The following DGCR2 variants were observed in gnomAD, a reference collection of about 807,000 sequenced individuals.
DGCR2 encodes the protein integral membrane protein DGCR2/IDD.
In DGCR2, 24 loss-of-function variants were observed where a neutral mutation model predicts 51.6. The observed-to-expected ratio is 0.47, with a 90% confidence interval of 0.34 to 0.65. DGCR2 has a LOEUF of 0.65. DGCR2 is among the 30% of genes least tolerant of loss of function. The pLI is 0.01. For missense variants in DGCR2, 765 were observed against 772.1 expected (o/e 0.99, Z 0.11); for synonymous variants, 340 against 315.4 (o/e 1.08, Z -0.82).
At chr22:19,118,184 C>A (rs572610798) in intron 1 of DGCR2, among the ~76,000 whole-genome samples, 1 of 152,184 alleles carries the variant, frequency 6.6e-6, no homozygotes, top group Non-Finnish European at 1.5e-5. Flanking sequence ...GCCTACATGG[C>A]CAACATGGTG....
chr22:19,080,279 T>C (rs2082921621), intron 2 of DGCR2, among the ~76,000 whole-genome samples: 1 of 152,238 alleles, frequency 6.6e-6, no homozygotes. Flanking sequence ...CTTTAAGTGC[T>C]GTCTAATAGA....
At chr22:19,101,608 G>A (rs2146034687) in intron 1 of DGCR2, among the ~76,000 whole-genome samples, 1 of 152,210 alleles carries the variant, frequency 6.6e-6, no homozygotes, top group South Asian at 2.1e-4. Context: ...GGGCGTGGTG[G>A]CGCACACCTG....
chr22:19,064,189 G>A (rs2082721577), intron 4 of DGCR2, among the ~76,000 whole-genome samples: 2 of 152,232 alleles, frequency 1.3e-5, no homozygotes, highest in Non-Finnish European at 2.9e-5. Flanking sequence ...GGCACACTCT[G>A]CCCTATGCTG....
Position 19,122,373 on chromosome 22 carries a change from G to C in DGCR2, c.-167C>G, listed in dbSNP as rs936657060. ...GGGCCGCGGGCTGGCGCACACTCTCGGCTGCAACCTCAGGCACCGACTCCA... is the reference window on the plus strand; with the variant it reads ...GGGCCGCGGGCTGGCGCACACTCTCCGCTGCAACCTCAGGCACCGACTCCA... On this transcript the variant is annotated 5_prime_UTR_variant, in exon 1 of 10. Coordinates refer to ENST00000263196, the MANE Select transcript of DGCR2 (RefSeq NM_005137.3). 7 of 495,728 alleles carry C rather than the reference G, an allele frequency of 1.4e-5. No individual in the cohort carries two copies. The highest frequency in any genetic ancestry group is 1.2e-4 in the African/African-American group (6 of 48,748). The allele number at this position is 495,728 out of a possible 1,614,324, so 30.7% of individuals were successfully genotyped here.
chr22:19,102,020 A>G (rs141958544), intron 1 of DGCR2, among the ~76,000 whole-genome samples: 1 of 152,228 alleles, frequency 6.6e-6, no homozygotes, highest in East Asian at 1.9e-4. Context: ...GCATCACTAT[A>G]CTCCAGCCTG....
intron 5 of DGCR2, among the ~76,000 whole-genome samples, chr22:19,060,254 G>A (rs549592577): frequency 1.9e-4 from 29 of 152,334 alleles, no homozygotes; most frequent in African/African-American, 6.7e-4. Flanking sequence ...GGCTGGCCCA[G>A]GACCACAGCC....
rs1484467435 is a variant in DGCR2 at position 19,041,348 on chromosome 22, T to C, written c.1160-54A>G. 6 of 1,564,602 alleles carry C rather than the reference T, an allele frequency of 3.8e-6. No individual in the cohort carries two copies. In the African/African-American group the frequency reaches 6.8e-5, roughly 18 times the overall value. On this transcript the variant is annotated intron_variant, in intron 8 of 9. Coordinates refer to ENST00000263196, the MANE Select transcript of DGCR2 (RefSeq NM_005137.3). ...CAGAGACAAGTCACTGGGGGCAGGC[T>C]GCCTGGCTCCTGAGCCCCCCACCCC...
At chr22:19,092,112 T>C (rs1190872534) in intron 1 of DGCR2, among the ~76,000 whole-genome samples, 1 of 151,168 alleles carries the variant, frequency 6.6e-6, no homozygotes, top group Non-Finnish European at 1.5e-5. Flanking sequence ...CTTTGGGAGA[T>C]GATCCAGCAG....
intron 2 of DGCR2, among the ~76,000 whole-genome samples, chr22:19,082,992 T>C (rs1258398574): frequency 2.1e-5 from 3 of 145,350 alleles, no homozygotes; most frequent in African/African-American, 5.2e-5. Flanking sequence ...GAGACTGAGG[T>C]AGGAGGATGG....
chr22:19,107,401 G>T (rs954702215), intron 1 of DGCR2, among the ~76,000 whole-genome samples: 2 of 152,176 alleles, frequency 1.3e-5, no homozygotes, highest in Admixed American at 6.5e-5. Context: ...AAGGGACAAG[G>T]CCTATGCTTC....
chr22:19,089,217 CAGAA>C (rs2083050766), intron 2 of DGCR2, 147 bp downstream of exon 2: 3 of 923,132 alleles, frequency 3.2e-6, no homozygotes, highest in African/African-American at 1.7e-5. Context: ...TTTAAAAAGA[CAGAA>C]AGACAGAGAG....
intron 1 of DGCR2, among the ~76,000 whole-genome samples, chr22:19,119,040 G>A (rs1307840466): frequency 6.6e-6 from 1 of 152,204 alleles, no homozygotes; most frequent in East Asian, 1.9e-4. Context: ...CAGAGGGTGA[G>A]TGGTTCTGTC....
chr22:19,040,328 C>T (rs1163985844), intron 9 of DGCR2, among the ~76,000 whole-genome samples: 2 of 152,190 alleles, frequency 1.3e-5, no homozygotes, highest in Non-Finnish European at 2.9e-5. Context: ...CAGCCCCAGC[C>T]TCACAATGCC....
chr22:19,101,160 T>C (rs1451158681), intron 1 of DGCR2, among the ~76,000 whole-genome samples: 5 of 152,144 alleles, frequency 3.3e-5, no homozygotes, highest in East Asian at 1.9e-4. Flanking sequence ...AAGCACCTGC[T>C]CAAAGGTTTT....
intron 1 of DGCR2, among the ~76,000 whole-genome samples, chr22:19,091,493 A>G (rs1051216652): frequency 4.6e-5 from 7 of 152,278 alleles, no homozygotes; most frequent in African/African-American, 1.7e-4. Flanking sequence ...ATGTTTATGT[A>G]TCTATTAAAA....
At chr22:19,071,745 G>C (rs1189004709) in intron 2 of DGCR2, among the ~76,000 whole-genome samples, 2 of 152,238 alleles carry the variant, frequency 1.3e-5, no homozygotes, top group Non-Finnish European at 2.9e-5. Context: ...ATAATGAAAA[G>C]AATCTGAATA....
At chr22:19,076,233 T>C (rs1220337698) in intron 2 of DGCR2, among the ~76,000 whole-genome samples, 2 of 152,230 alleles carry the variant, frequency 1.3e-5, no homozygotes, top group Non-Finnish European at 2.9e-5. Context: ...TGATCTCAGC[T>C]CACTGCAACT....
At chr22:19,111,085 C>T (rs2083309291) in intron 1 of DGCR2, among the ~76,000 whole-genome samples, 1 of 152,096 alleles carries the variant, frequency 6.6e-6, no homozygotes. Flanking sequence ...GTAATACATC[C>T]ACACGGTTGA....
chr22:19,071,965 G>A (rs1047861938), intron 2 of DGCR2, among the ~76,000 whole-genome samples: 5 of 152,102 alleles, frequency 3.3e-5, no homozygotes, highest in Middle Eastern at 3.2e-3. Flanking sequence ...TGGTGAACCC[G>A]GGTAAAGGCT....
Sources: allele counts gnomAD v4.1 joint callset (sites outside exome capture counted in the v4.1 genomes callset), GRCh38; gene constraint gnomAD v4.1.1; transcripts MANE v1.5; gene names NCBI Gene and HGNC (gene_info 2026-07-23, HGNC 2026-07-21).